XPOT: variants seen among roughly 807,000 people sequenced by gnomAD.
XPOT encodes the protein exportin for tRNA, also known as exportin-T.
Under a neutral mutation model 128.2 loss-of-function variants are expected in XPOT, and 34 were observed. That is an observed-to-expected ratio of 0.27 (90% CI 0.20 to 0.35). XPOT has a LOEUF of 0.35. Ranked by LOEUF, XPOT falls within the 10% of genes least tolerant of loss-of-function variation. The pLI is 1.00. For missense variants in XPOT, 838 were observed against 1,125.3 expected (o/e 0.74, Z 3.65); for synonymous variants, 348 against 394.3 (o/e 0.88, Z 1.39).
rs1264893976 is a variant in XPOT, at chr12:64,431,548, A to G, written c.1987A>G (p.Lys663Glu). ...HAVGFASRTS[K>E]AFSNKQTVKQ... is the part of the protein sequence containing the mutation. The stretch of plus-strand genomic sequence containing the variant: ...TTTTTGCTTATATAGTCGAACCAGT[A>G]AAGCTTTCAGCAACAAACAGACTGT... The change falls in exon 18 of 25, where the codon AAA becomes GAA. Residue 663 changes from lysine to glutamate, a missense_variant. Lys to Glu is a moderately conservative substitution (Grantham distance 56). Transcript: ENST00000332707. 6.2e-7 allele frequency: 1 copy of G among 1,613,460 alleles called. No individual in the cohort carries two copies. Among genetic ancestry groups the G allele is most frequent in the South Asian group, 1.1e-5 (1 of 91,066 alleles).
At chr12:64,429,716 C>T (rs999089130) in intron 16 of XPOT, among the ~76,000 whole-genome samples, 2 of 152,194 alleles carry the variant, frequency 1.3e-5, no homozygotes, top group African/African-American at 4.8e-5. Flanking sequence ...GCTAGGATTA[C>T]AGGCATGAAC....
At chr12:64,439,463 A>G (rs2040307747) in intron 23 of XPOT, 148 bp downstream of exon 23, 4 of 683,976 alleles carry the variant, frequency 5.8e-6, no homozygotes, top group Non-Finnish European at 9.8e-6. Context: ...GCTTATCACC[A>G]TTTTGAAATT....
Position 64,425,429 on chromosome 12 carries a change from T to C in XPOT, c.1544T>C (p.Val515Ala), listed in dbSNP as rs1592332535. ...GTTAGATATGAAAAGTTTTTCACAGTTGAACCTCAGCACATTCCATGTGTA... is the reference window on the plus strand; with the variant it reads ...GTTAGATATGAAAAGTTTTTCACAGCTGAACCTCAGCACATTCCATGTGTA... The part of the protein sequence containing the change: ...TVVRYEKFFT[V>A]EPQHIPCVLM... The change falls in exon 14 of 25, where the codon GTT (valine) becomes GCT (alanine). Residue 515 changes from valine to alanine, a missense_variant. Val to Ala is a moderately conservative substitution (Grantham distance 64). Transcript: ENST00000332707. 6.2e-6 allele frequency: 10 copies of C among 1,614,000 alleles called. No individual in the cohort carries two copies. The highest frequency in any genetic ancestry group is 4.4e-5 in the South Asian group (4 of 91,086).
intron 16 of XPOT, 57 bp downstream of exon 16, chr12:64,428,177 C>T: frequency 8.3e-7 from 1 of 1,205,210 alleles, no homozygotes; most frequent in Non-Finnish European, 1.2e-6. Flanking sequence ...CCACACGTGC[C>T]ATTAGCCTTG....
chr12:64,417,033 A>G (rs1025789526), intron 4 of XPOT, among the ~76,000 whole-genome samples: 1 of 152,090 alleles, frequency 6.6e-6, no homozygotes, highest in African/African-American at 2.4e-5. Context: ...CCTGGCCAAC[A>G]TGGTGAAACC....
chr12:64,421,555 G>T (rs2040138596), intron 9 of XPOT, 84 bp downstream of exon 9: 2 of 881,870 alleles, frequency 2.3e-6, no homozygotes, highest in Admixed American at 2.2e-5. Flanking sequence ...AATTAAAAAT[G>T]AGAAAATACC....
chr12:64,420,164 A>C lies in XPOT; in HGVS notation c.584A>C (p.Gln195Pro), dbSNP rs1053109176. 7.4e-6 allele frequency: 12 copies of C among 1,613,024 alleles called. No individual in the cohort carries two copies. Among genetic ancestry groups the C allele is most frequent in the Non-Finnish European group, 1.0e-5 (12 of 1,179,628 alleles). The change falls in exon 7 of 25, where the codon CAG (glutamine) becomes CCG (proline). Residue 195 changes from glutamine to proline, a missense_variant. This residue lies in a region of XPOT where 761 missense variants were observed against 988.3 expected (regional missense o/e 0.77). Transcript: ENST00000332707. ...TGGTACCAAATATTACAAAATTATC[A>C]GTTTACTAATTCTGAAGTGACGTGT... is the stretch of plus-strand genomic sequence containing the variant. The part of the protein sequence containing the change: ...ESWYQILQNY[Q>P]FTNSEVTCQC...
intron 11 of XPOT, among the ~76,000 whole-genome samples, chr12:64,424,153 T>C (rs1212481497): frequency 6.6e-6 from 1 of 152,194 alleles, no homozygotes; most frequent in Non-Finnish European, 1.5e-5. Flanking sequence ...AGTTATACCA[T>C]ATTATTACCA....
In XPOT at chr12:64,423,211, G is replaced by T; in HGVS notation, c.1149G>T (p.Leu383Phe). The T allele has an allele frequency of 1.9e-6, 3 of 1,595,624 alleles. No homozygotes were observed. In the South Asian group the frequency reaches 3.5e-5, roughly 19 times the overall value. Residue 383 changes from leucine (L) to phenylalanine (F), a missense_variant, in exon 11 of 25, where the codon TTG (leucine) becomes TTT (phenylalanine). Transcript: ENST00000332707. ...EAIMLAVMKK[L>F]TYDEEYNFEN... is the part of the protein sequence containing the mutation. Reference sequence around the variant, plus strand: ...TCATGTTGGCCGTTATGAAAAAATTGACTTACGATGAAGAATATAACTTTG... The same window carrying T: ...TCATGTTGGCCGTTATGAAAAAATTTACTTACGATGAAGAATATAACTTTG...
chr12:64,425,361 C>T lies in XPOT; in HGVS notation c.1476C>T (p.Ser492=). The change falls in exon 14 of 25, where the codon TCC becomes TCT. Residue 492 remains serine (S), a synonymous_variant. Transcript: ENST00000332707. ...AGCTGGTAACATCAGGAGTCAGTTC[C>T]TATCAGCATACATCTGTGACATTGG... The part of the protein sequence containing the change: ...MRTLVTSGVS[S]YQHTSVTLEF... The T allele has an allele frequency of 6.2e-7, 1 of 1,613,284 alleles. No homozygotes were observed. Among genetic ancestry groups the T allele is most frequent in the Non-Finnish European group, 8.5e-7 (1 of 1,179,956 alleles).
chr12:64,438,021 T>G (rs1275185766), intron 22 of XPOT, among the ~76,000 whole-genome samples: 1 of 151,560 alleles, frequency 6.6e-6, no homozygotes, highest in African/African-American at 2.4e-5. Flanking sequence ...GAACCAGAGG[T>G]AGGAGCATTA....
chr12:64,415,171 G>T (rs2040076513), intron 3 of XPOT, among the ~76,000 whole-genome samples, 182 bp downstream of exon 3: 1 of 151,324 alleles, frequency 6.6e-6, no homozygotes, highest in Non-Finnish European at 1.5e-5. Context: ...ACCCAGTTTG[G>T]CCATTTCAGA....
intron 19 of XPOT, 119 bp from the exon 20 acceptor site, chr12:64,434,386 TCA>T: frequency 3.0e-6 from 2 of 660,400 alleles, no homozygotes; most frequent in Non-Finnish European, 2.6e-6. Flanking sequence ...TTTTCCCCCT[TCA>T]TTTTTCCCAT....
At chr12:64,409,689 G>A (rs944051661) in intron 1 of XPOT, 7 of 200,270 alleles carry the variant, frequency 3.5e-5, no homozygotes, top group Middle Eastern at 2.1e-3. Flanking sequence ...GAGCTGATAC[G>A]GTGCCACTGC....
intron 16 of XPOT, 57 bp from the exon 17 acceptor site, chr12:64,429,992 A>G: frequency 1.4e-6 from 2 of 1,462,196 alleles, no homozygotes; most frequent in South Asian, 2.9e-5. Flanking sequence ...ACTTTTTCTC[A>G]TTAAATGAAG....
At chr12:64,431,461 G>A (rs991748933) in intron 17 of XPOT, 77 bp from the exon 18 acceptor site, 1 of 1,415,898 alleles carries the variant, frequency 7.1e-7, no homozygotes, top group Non-Finnish European at 9.7e-7. Flanking sequence ...GTAATTTGTT[G>A]TGCATTGCTT....
intron 8 of XPOT, among the ~76,000 whole-genome samples, chr12:64,420,893 C>T (rs898109764): frequency 9.2e-5 from 14 of 152,260 alleles, no homozygotes; most frequent in Non-Finnish European, 1.5e-4. Flanking sequence ...CTCCGTCTCC[C>T]GGGTTCAAGT....
intron 3 of XPOT, among the ~76,000 whole-genome samples, chr12:64,416,344 T>A (rs2040087187): frequency 6.6e-6 from 1 of 152,236 alleles, no homozygotes; most frequent in Non-Finnish European, 1.5e-5. Flanking sequence ...TTTGTAATTT[T>A]ACACCTAACC....
chr12:64,444,990 T>TG, intron 23 of XPOT, 85 bp from the exon 24 acceptor site: 1 of 728,278 alleles, frequency 1.4e-6, no homozygotes, highest in Non-Finnish European at 2.0e-6. Context: ...AAAAAAAAAT[T>TG]AAAAAAAAAA....
Sources: allele counts gnomAD v4.1 joint callset (sites outside exome capture counted in the v4.1 genomes callset), GRCh38; gene constraint gnomAD v4.1.1; regional missense constraint gnomAD v4.1.1; transcripts MANE v1.5; gene names NCBI Gene and HGNC (gene_info 2026-07-23, HGNC 2026-07-21).